Variants in RBMS2 observed in about 807,000 individuals in gnomAD.
RBMS2 encodes the protein RNA binding motif single stranded interacting protein 2.
Under a neutral mutation model 58.4 loss-of-function variants are expected in RBMS2, and 38 were observed. The ratio of observed to expected loss-of-function variants is 0.65; its 90% CI spans 0.50 to 0.85. RBMS2 has a LOEUF of 0.85. RBMS2 is among the 40% of genes least tolerant of loss of function. RBMS2 has a pLI of 0.00. For missense variants in RBMS2, 367 were observed against 503.7 expected, an observed-to-expected ratio of 0.73 and a Z score of 2.60; for synonymous variants, 151 against 180.7, an observed-to-expected ratio of 0.84 and a Z score of 1.32.
chr12:56,523,885 T>C (rs1872189109), intron 1 of RBMS2, among the ~76,000 whole-genome samples: 1 of 152,236 alleles, frequency 6.6e-6, no homozygotes, highest in South Asian at 2.1e-4. Flanking sequence ...TACGTATATA[T>C]TTGAAAGGGA....
upstream of RBMS2, among the ~76,000 whole-genome samples, chr12:56,521,502 G>GTTTTTTTTTTT (rs68129205): frequency 1.5e-3 from 112 of 73,148 alleles, 9 homozygotes; most frequent in African/African-American, 4.6e-3. Context: ...CTCTAACTCT[G>GTTTTTTTTTTT]TTTTTTTTTT....
At chr12:56,577,721 C>T (rs911769885) in intron 5 of RBMS2, among the ~76,000 whole-genome samples, 11 of 151,956 alleles carry the variant, frequency 7.2e-5, no homozygotes, top group Admixed American at 2.0e-4. Context: ...TTCACTCTGT[C>T]GCCCAGGCTG....
chr12:56,567,372 C>T (rs1416388374), intron 2 of RBMS2, among the ~76,000 whole-genome samples: 1 of 128,226 alleles, frequency 7.8e-6, no homozygotes, highest in African/African-American at 3.0e-5. Flanking sequence ...GCAACAACAG[C>T]AAAACTCCAT....
intron 2 of RBMS2, among the ~76,000 whole-genome samples, chr12:56,562,852 G>A (rs973119243): frequency 5.9e-5 from 9 of 152,158 alleles, no homozygotes; most frequent in African/African-American, 2.2e-4. Context: ...GCCGGGTGCG[G>A]TGGCTCATGC....
chr12:56,553,997 G>T (rs1231682636), intron 1 of RBMS2, among the ~76,000 whole-genome samples: 1 of 151,458 alleles, frequency 6.6e-6, no homozygotes, highest in Non-Finnish European at 1.5e-5. Context: ...ACTAATTTTT[G>T]TATTTTTAGT....
intron 9 of RBMS2, among the ~76,000 whole-genome samples, chr12:56,583,767 T>C (rs1224931696): frequency 6.6e-6 from 1 of 152,258 alleles, no homozygotes; most frequent in East Asian, 1.9e-4. Context: ...TGTCATAGTT[T>C]GATTGGCTTC....
intron 1 of RBMS2, among the ~76,000 whole-genome samples, chr12:56,543,945 G>A (rs930701389): frequency 1.3e-5 from 2 of 151,840 alleles, no homozygotes; most frequent in African/African-American, 4.8e-5. Context: ...TGGGATTATA[G>A]GTGTGAGCCA....
Position 56,545,315 on chromosome 12 carries a change from C to T in RBMS2, c.67-17102C>T, listed in dbSNP as rs144936570. On this transcript the variant is annotated intron_variant, in intron 1 of 13. Coordinates refer to ENST00000262031, the MANE Select transcript of RBMS2 (RefSeq NM_002898.4). ...ACATTTGCTTTATCCACTTGTTGGT[C>T]GATGAGCACTTAGGTTGGTTCCGTA... is the stretch of plus-strand genomic sequence containing the variant. 2.0e-4 allele frequency among the ~76,000 whole-genome samples: 30 copies of T among 152,222 alleles called. No homozygotes were observed. In the East Asian group the frequency reaches 3.7e-3, roughly 19 times the overall value.
In RBMS2 at chr12:56,521,824, C is replaced by G; in HGVS notation, c.-200C>G. 1 of 572,178 alleles carries G rather than the reference C, an allele frequency of 1.7e-6. No homozygotes were observed. Among genetic ancestry groups the G allele is most frequent in the Non-Finnish European group, 3.1e-6 (1 of 327,388 alleles). The allele number at this position is 572,178 out of a possible 1,614,324, so 35.4% of individuals were successfully genotyped here. A position where few individuals can be genotyped will look rare whatever the true frequency, so the allele number is the denominator to read the frequency against. Reference sequence around the variant, plus strand: ...CTCTCAGTGACGTAAAGGAGCAGCCCGAGCTCATTCTCTGCCCGCAGCCCC... The same window carrying G: ...CTCTCAGTGACGTAAAGGAGCAGCCGGAGCTCATTCTCTGCCCGCAGCCCC... On this transcript the variant is annotated 5_prime_UTR_variant, in exon 1 of 14. Transcript: ENST00000262031.
At chr12:56,536,811 C>A (rs1263340746) in intron 1 of RBMS2, among the ~76,000 whole-genome samples, 1 of 151,058 alleles carries the variant, frequency 6.6e-6, no homozygotes, top group East Asian at 1.9e-4. Flanking sequence ...TCATGATCTG[C>A]CCCCCTTGGC....
intron 1 of RBMS2, among the ~76,000 whole-genome samples, chr12:56,556,376 C>CTTT (rs778701977): frequency 4.3e-5 from 6 of 140,118 alleles, no homozygotes; most frequent in East Asian, 2.1e-4. Context: ...TGTCTTTTAG[C>CTTT]TTTTTTTTTT....
intron 1 of RBMS2, among the ~76,000 whole-genome samples, chr12:56,535,549 G>A (rs138619922): frequency 4.1e-4 from 62 of 151,014 alleles, no homozygotes; most frequent in Non-Finnish European, 8.0e-4. Context: ...AATAGCACCC[G>A]TATGACGGAA....
chr12:56,535,494 C>CAAAAAA (rs59905092), intron 1 of RBMS2, among the ~76,000 whole-genome samples: 1 of 97,732 alleles, frequency 1.0e-5, no homozygotes, highest in African/African-American at 4.2e-5. Flanking sequence ...GACTCCATCT[C>CAAAAAA]AAAAAAAAAA....
At chr12:56,588,248 T>C in intron 11 of RBMS2, 46 bp from the exon 12 acceptor site, 1 of 1,502,496 alleles carries the variant, frequency 6.7e-7, no homozygotes, top group Non-Finnish European at 9.3e-7. Flanking sequence ...GCTTCAAATG[T>C]AGCCAAAAAT....
chr12:56,560,298 C>T (rs965420709), intron 1 of RBMS2, among the ~76,000 whole-genome samples: 5 of 151,772 alleles, frequency 3.3e-5, no homozygotes, highest in Admixed American at 1.3e-4. Flanking sequence ...TTTCTGTTGC[C>T]CAGGCTGGAG....
intron 5 of RBMS2, among the ~76,000 whole-genome samples, chr12:56,572,426 A>G (rs1366582244): frequency 6.6e-6 from 1 of 151,442 alleles, no homozygotes; most frequent in African/African-American, 2.4e-5. Flanking sequence ...TCTGGGCTCA[A>G]GTGATCCTCC....
At chr12:56,527,704 A>AAC (rs1176551588) in intron 1 of RBMS2, among the ~76,000 whole-genome samples, 2 of 151,856 alleles carry the variant, frequency 1.3e-5, no homozygotes, top group African/African-American at 2.4e-5. Flanking sequence ...TCTCTAGCCC[A>AAC]ACACCTACTA....
At chr12:56,583,600 G>C (rs915905709) in intron 9 of RBMS2, among the ~76,000 whole-genome samples, 1 of 151,778 alleles carries the variant, frequency 6.6e-6, no homozygotes, top group Non-Finnish European at 1.5e-5. Flanking sequence ...GTTGTGGTGA[G>C]CCGAGATCGC....
At chr12:56,544,275 CA>C (rs552809673) in intron 1 of RBMS2, among the ~76,000 whole-genome samples, 4 of 150,960 alleles carry the variant, frequency 2.6e-5, no homozygotes, top group South Asian at 2.1e-4. Flanking sequence ...GACTTTGTCT[CA>C]AAAAAAAACC....
Sources: allele counts gnomAD v4.1 joint callset (sites outside exome capture counted in the v4.1 genomes callset), GRCh38; gene constraint gnomAD v4.1.1; transcripts MANE v1.5; gene names NCBI Gene and HGNC (gene_info 2026-07-23, HGNC 2026-07-21).